Variants in CSMD1 observed in about 807,000 individuals in gnomAD.
CSMD1 encodes the protein CUB and Sushi multiple domains 1, also known as CUB and sushi domain-containing protein 1.
Under a neutral mutation model 417.5 loss-of-function variants are expected in CSMD1, and 213 were observed. The ratio of observed to expected loss-of-function variants is 0.51; its 90% CI spans 0.46 to 0.57. The LOEUF (loss-of-function observed/expected upper bound fraction) is 0.57, where lower values mean the gene tolerates loss of function less well. Among genes scored for constraint, CSMD1 ranks in the 20% least tolerant of loss-of-function variants. The pLI is 0.00. For synonymous variants in CSMD1, 2,862 were observed against 1,736.8 expected (o/e 1.65, Z -16.11); for missense variants, 6,923 against 4,529.7 (o/e 1.53, Z -15.17).
intron 5 of CSMD1, among the ~76,000 whole-genome samples, chr8:3,843,585 T>G (rs533210690): frequency 6.6e-6 from 1 of 151,738 alleles, no homozygotes; most frequent in East Asian, 1.9e-4. Flanking sequence ...ATGCATCCAG[T>G]TGGAAGTTTA....
At chr8:4,423,330 A>C (rs889800451) in intron 2 of CSMD1, among the ~76,000 whole-genome samples, 1 of 152,108 alleles carries the variant, frequency 6.6e-6, no homozygotes, top group Non-Finnish European at 1.5e-5. Flanking sequence ...CTACAAGAAA[A>C]TTTGTAGAGC....
At chr8:4,417,480 A>G (rs938238372) in intron 3 of CSMD1, among the ~76,000 whole-genome samples, 2 of 152,050 alleles carry the variant, frequency 1.3e-5, no homozygotes, top group Non-Finnish European at 2.9e-5. Context: ...TTTATGCAGC[A>G]GTCTGTTAAT....
At chr8:4,800,597 G>A (rs1286153804) in intron 1 of CSMD1, among the ~76,000 whole-genome samples, 19 of 152,306 alleles carry the variant, frequency 1.2e-4, no homozygotes, top group Non-Finnish European at 2.5e-4. Flanking sequence ...AGGGAAGGAC[G>A]CCTAGCAAAG....
At chr8:4,069,735 G>A (rs1015429677) in intron 3 of CSMD1, among the ~76,000 whole-genome samples, 4 of 152,108 alleles carry the variant, frequency 2.6e-5, no homozygotes, top group Non-Finnish European at 4.4e-5. Context: ...GGCACCTTGA[G>A]TTTAGGAATG....
At position 3,387,648 on chromosome 8, in the gene CSMD1, C is replaced by T. The variant is rs751635214; in HGVS notation, c.2628G>A (p.Pro876=). 1.0e-5 allele frequency: 16 copies of T among 1,599,988 alleles called. No individual in the cohort carries two copies. The highest frequency in any genetic ancestry group is 1.3e-5 in the Non-Finnish European group (15 of 1,173,082). The change falls in exon 18 of 70, where the codon CCG becomes CCA. Residue 876 remains proline, a synonymous_variant. Coordinates refer to ENST00000635120, the MANE Select transcript of CSMD1 (RefSeq NM_033225.6). ...VTLESDSCLD[P]GIPVNGHRHG... ...GGCGATGGCCGTTCACAGGGATGCC[C>T]GGGTCCAGGCAGGAATCCGACTCAA...
chr8:3,543,226 G>A (rs981892407), intron 10 of CSMD1, among the ~76,000 whole-genome samples: 1 of 152,226 alleles, frequency 6.6e-6, no homozygotes, highest in Non-Finnish European at 1.5e-5. Flanking sequence ...AGGGAGGTGG[G>A]AGAAGCCCAG....
intron 2 of CSMD1, among the ~76,000 whole-genome samples, chr8:4,600,095 G>T (rs1273729988): frequency 1.3e-5 from 2 of 152,272 alleles, no homozygotes; most frequent in African/African-American, 4.8e-5. Flanking sequence ...AGGACTAGAG[G>T]GTGGCAGTCT....
chr8:3,779,149 TTGTG>T (rs56294437), intron 5 of CSMD1, among the ~76,000 whole-genome samples: 12,703 of 147,142 alleles, frequency 0.086, 650 homozygotes, highest in South Asian at 0.16. Flanking sequence ...GCGTGCATAC[TTGTG>T]TGTGTGTGTG....
chr8:4,739,896 C>T (rs1030027258), intron 1 of CSMD1, among the ~76,000 whole-genome samples: 2 of 152,114 alleles, frequency 1.3e-5, no homozygotes, highest in Non-Finnish European at 2.9e-5. Context: ...CATTGACAGC[C>T]GTTTCTCCAC....
At chr8:4,017,180 C>A (rs898953958) in intron 4 of CSMD1, among the ~76,000 whole-genome samples, 9 of 152,200 alleles carry the variant, frequency 5.9e-5, no homozygotes, top group African/African-American at 2.2e-4. Flanking sequence ...GTTGAAGCTT[C>A]CTTCTAGATA....
chr8:4,834,830 G>A (rs958543014), intron 1 of CSMD1, among the ~76,000 whole-genome samples: 32 of 151,108 alleles, frequency 2.1e-4, no homozygotes, highest in African/African-American at 3.4e-4. Flanking sequence ...GGTGGTGGGC[G>A]CCTGTAATCC....
intron 26 of CSMD1, among the ~76,000 whole-genome samples, chr8:3,260,695 CACAAA>C (rs890455382): frequency 4.6e-5 from 7 of 151,992 alleles, no homozygotes; most frequent in Non-Finnish European, 7.4e-5. Context: ...TTGAGTATTA[CACAAA>C]ACAAAATGAG....
intron 50 of CSMD1, among the ~76,000 whole-genome samples, chr8:3,051,351 C>G (rs1811800952): frequency 6.6e-6 from 1 of 152,144 alleles, no homozygotes; most frequent in South Asian, 2.1e-4. Flanking sequence ...GAACAGAAAA[C>G]CAAATAGCAC....
At chr8:4,713,672 G>C (rs1001720540) in intron 1 of CSMD1, among the ~76,000 whole-genome samples, 2 of 152,078 alleles carry the variant, frequency 1.3e-5, no homozygotes, top group African/African-American at 2.4e-5. Flanking sequence ...ACAGAGGTCA[G>C]GACCCAGAGC....
At chr8:4,212,437 G>C (rs989049509) in intron 3 of CSMD1, among the ~76,000 whole-genome samples, 6 of 152,034 alleles carry the variant, frequency 3.9e-5, no homozygotes, top group African/African-American at 1.2e-4. Flanking sequence ...AGGTAGTTCA[G>C]AAAATCATGA....
At chr8:4,035,652 T>C (rs1797577651) in intron 3 of CSMD1, among the ~76,000 whole-genome samples, 1 of 152,236 alleles carries the variant, frequency 6.6e-6, no homozygotes, top group Non-Finnish European at 1.5e-5. Flanking sequence ...AGACAAACTC[T>C]TATGAATAAC....
chr8:4,675,529 A>C (rs1487498484), intron 1 of CSMD1, among the ~76,000 whole-genome samples: 2 of 152,178 alleles, frequency 1.3e-5, no homozygotes, highest in African/African-American at 4.8e-5. Context: ...TGGAGGGACA[A>C]GTTCTGAGAA....
At chr8:4,500,547 G>A (rs921527236) in intron 2 of CSMD1, among the ~76,000 whole-genome samples, 1 of 152,066 alleles carries the variant, frequency 6.6e-6, no homozygotes, top group Non-Finnish European at 1.5e-5. Context: ...AGTTTATCTT[G>A]GGTGCCACAG....
At chr8:4,244,660 T>C (rs962054707) in intron 3 of CSMD1, among the ~76,000 whole-genome samples, 2 of 152,160 alleles carry the variant, frequency 1.3e-5, no homozygotes, top group Admixed American at 6.5e-5. Context: ...AGTTATTACA[T>C]GACAGATTTA....
Sources: allele counts gnomAD v4.1 joint callset (sites outside exome capture counted in the v4.1 genomes callset), GRCh38; gene constraint gnomAD v4.1.1; transcripts MANE v1.5; gene names NCBI Gene and HGNC (gene_info 2026-07-23, HGNC 2026-07-21).